Variants in RIPOR2 observed in about 807,000 individuals in gnomAD.
RIPOR2 encodes the protein RHO family interacting cell polarization regulator 2.
RIPOR2 carries 39 observed loss-of-function variants against 114.5 expected under a neutral mutation model. That is an observed-to-expected ratio of 0.34 (90% confidence interval 0.26 to 0.44). RIPOR2 has a LOEUF of 0.44. Among genes scored for constraint, RIPOR2 ranks in the 20% least tolerant of loss-of-function variants. The probability of loss-of-function intolerance (pLI) is 1.00; values close to 1 mark genes in which losing one functional copy is unlikely to be tolerated. For missense variants in RIPOR2, 1,007 were observed against 1,255.1 expected, an observed-to-expected ratio of 0.80 and a Z score of 2.99; for synonymous variants, 445 against 484.4, an observed-to-expected ratio of 0.92 and a Z score of 1.07.
chr6:24,981,295 GC>G (rs1187297115), intron 1 of RIPOR2, among the ~76,000 whole-genome samples: 1 of 152,178 alleles, frequency 6.6e-6, no homozygotes, highest in East Asian at 1.9e-4. Context: ...AAAACAGTCA[GC>G]ATTAATTCTT....
At chr6:24,847,940 C>A in intron 12 of RIPOR2, 85 bp downstream of exon 12, 1 of 1,554,160 alleles carries the variant, frequency 6.4e-7, no homozygotes, top group South Asian at 1.2e-5. Flanking sequence ...TAACTCCCAG[C>A]ACTGTCTCTT....
chr6:24,975,109 T>C (rs1299120085), intron 1 of RIPOR2, among the ~76,000 whole-genome samples: 5 of 152,220 alleles, frequency 3.3e-5, no homozygotes, highest in African/African-American at 4.8e-5. Context: ...TAAAAGCCAT[T>C]GAATTATACA....
upstream of RIPOR2, chr6:25,042,072 A>G (rs1777479201): frequency 2.0e-6 from 1 of 509,318 alleles, no homozygotes; most frequent in Non-Finnish European, 3.4e-6. Flanking sequence ...AAAAAAAAAA[A>G]GAGTATTTGA....
intron 1 of RIPOR2, among the ~76,000 whole-genome samples, chr6:24,960,220 T>C (rs1215156096): frequency 6.6e-6 from 1 of 152,166 alleles, no homozygotes; most frequent in African/African-American, 2.4e-5. Context: ...CTGGGTAATT[T>C]ATAAATTATA....
intron 1 of RIPOR2, among the ~76,000 whole-genome samples, chr6:24,895,487 C>G (rs536512874): frequency 6.6e-6 from 1 of 151,980 alleles, no homozygotes; most frequent in South Asian, 2.1e-4. Context: ...ATACACACAG[C>G]ATGCAGTGAT....
chr6:24,981,799 C>T (rs1353984081), intron 1 of RIPOR2, among the ~76,000 whole-genome samples: 2 of 152,242 alleles, frequency 1.3e-5, no homozygotes, highest in Non-Finnish European at 2.9e-5. Flanking sequence ...ATAGTAACAG[C>T]TACCTCACAG....
intron 1 of RIPOR2, among the ~76,000 whole-genome samples, chr6:24,918,618 G>A (rs552779554): frequency 2.7e-4 from 41 of 152,292 alleles, no homozygotes; most frequent in African/African-American, 9.9e-4. Context: ...GTCACTGACT[G>A]TTAAACTTCA....
At chr6:24,907,470 T>C in intron 1 of RIPOR2, among the ~76,000 whole-genome samples, 1 of 152,218 alleles carries the variant, frequency 6.6e-6, no homozygotes, top group Non-Finnish European at 1.5e-5. Context: ...AAACATGTAT[T>C]ATTTTTAGGG....
At chr6:25,012,101 T>C (rs1216006092) in intron 1 of RIPOR2, among the ~76,000 whole-genome samples, 1 of 152,176 alleles carries the variant, frequency 6.6e-6, no homozygotes, top group Admixed American at 6.5e-5. Context: ...CCAAAGGAGA[T>C]ATGCAAATGG....
chr6:24,905,511 T>C (rs191534391), intron 1 of RIPOR2, among the ~76,000 whole-genome samples: 10 of 152,334 alleles, frequency 6.6e-5, no homozygotes, highest in Admixed American at 3.3e-4. Context: ...GGTAGTTATC[T>C]TGGAATCTTC....
At chr6:24,944,633 C>A (rs1381763149) in intron 1 of RIPOR2, among the ~76,000 whole-genome samples, 2 of 152,086 alleles carry the variant, frequency 1.3e-5, no homozygotes, top group Non-Finnish European at 2.9e-5. Context: ...CCTAATGAAG[C>A]CCAGAAGATG....
chr6:25,004,669 A>G (rs1389472900), intron 1 of RIPOR2, among the ~76,000 whole-genome samples: 1 of 152,198 alleles, frequency 6.6e-6, no homozygotes, highest in African/African-American at 2.4e-5. Flanking sequence ...CCCGAACTGG[A>G]GGCAGAAAAC....
rs1035034043 is a variant in RIPOR2, at chr6:25,040,855, T to C, written c.76+996A>G. On this transcript the variant is annotated intron_variant, in intron 1 of 13. Transcript: ENST00000510784. ...ATCCTCCCGCCTTGGCCTCCCAAAG[T>C]GCTGGGATTACAGGCATGAGCTACC... Among the ~76,000 whole-genome samples, 7 of 152,286 alleles carry C rather than the reference T, an allele frequency of 4.6e-5. 1 individual carries two copies. Among genetic ancestry groups the C allele is most frequent in the African/African-American group, 1.7e-4 (7 of 41,536 alleles).
intron 1 of RIPOR2, chr6:25,031,223 C>T (rs12189757): frequency 6.6e-6 from 1 of 152,220 alleles, no homozygotes; most frequent in African/African-American, 2.4e-5. Flanking sequence ...CCCAGAACTC[C>T]TGGGCTCAAG....
intron 18 of RIPOR2, among the ~76,000 whole-genome samples, chr6:24,826,483 G>C (rs1760196804): frequency 7.5e-6 from 1 of 132,814 alleles, no homozygotes; most frequent in African/African-American, 2.7e-5. Flanking sequence ...ACAAATTTGT[G>C]ATTTATTTAG....
intron 1 of RIPOR2, among the ~76,000 whole-genome samples, chr6:25,022,794 C>G (rs1238844876): frequency 6.6e-6 from 1 of 151,852 alleles, no homozygotes; most frequent in African/African-American, 2.4e-5. Flanking sequence ...AGTCCTCTCC[C>G]CACCATCTCC....
intron 1 of RIPOR2, among the ~76,000 whole-genome samples, chr6:24,921,655 C>T (rs1379127529): frequency 6.6e-6 from 1 of 150,854 alleles, no homozygotes; most frequent in Non-Finnish European, 1.5e-5. Context: ...CTTATCGCCC[C>T]CCCCGACCCT....
At chr6:24,972,568 A>G (rs73729573) in intron 1 of RIPOR2, among the ~76,000 whole-genome samples, 4 of 152,132 alleles carry the variant, frequency 2.6e-5, no homozygotes, top group Non-Finnish European at 5.9e-5. Flanking sequence ...ATATGTGGGT[A>G]GGCTTCAGGG....
At chr6:24,946,668 C>T (rs913222876) in intron 1 of RIPOR2, among the ~76,000 whole-genome samples, 2 of 152,158 alleles carry the variant, frequency 1.3e-5, no homozygotes, top group East Asian at 3.9e-4. Flanking sequence ...AGGGCAGGGA[C>T]TGGGATCAGG....
Sources: allele counts gnomAD v4.1 joint callset (sites outside exome capture counted in the v4.1 genomes callset), GRCh38; gene constraint gnomAD v4.1.1; transcripts MANE v1.5; gene names NCBI Gene and HGNC (gene_info 2026-07-23, HGNC 2026-07-21).